Variants in LIN52 observed in about 807,000 individuals in gnomAD.
LIN52 encodes the protein lin-52 DREAM MuvB core complex component.
In LIN52, 4 loss-of-function variants were observed where a neutral mutation model predicts 18.5. The observed-to-expected ratio is 0.22, with a 90% CI of 0.11 to 0.49. The LOEUF is 0.49. Ranked by LOEUF, LIN52 falls within the 20% of genes least tolerant of loss-of-function variation. LIN52 has a pLI of 0.97. For missense variants in LIN52, 102 were observed against 139.5 expected (o/e 0.73, Z 1.35); for synonymous variants, 34 against 45.5 (o/e 0.75, Z 1.02).
chr14:74,116,729 GA>G (rs897903455), intron 5 of LIN52, among the ~76,000 whole-genome samples: 4 of 146,568 alleles, frequency 2.7e-5, no homozygotes, highest in East Asian at 2.0e-4. Flanking sequence ...AAAAAGAAAA[GA>G]AAAAAAGCAC....
chr14:74,179,651 A>T (rs2061308765), intron 5 of LIN52, among the ~76,000 whole-genome samples: 1 of 110,260 alleles, frequency 9.1e-6, no homozygotes, highest in Non-Finnish European at 2.0e-5. Flanking sequence ...GTGAGACTCC[A>T]TCTCAAAAAA....
At chr14:74,135,603 T>C (rs1006678520) in intron 5 of LIN52, among the ~76,000 whole-genome samples, 11 of 152,232 alleles carry the variant, frequency 7.2e-5, no homozygotes, top group African/African-American at 2.2e-4. Context: ...TACAAAATTG[T>C]TTGGCATCCT....
intron 5 of LIN52, among the ~76,000 whole-genome samples, chr14:74,112,340 C>T (rs535544856): frequency 3.3e-5 from 5 of 149,948 alleles, no homozygotes; most frequent in African/African-American, 9.8e-5. Flanking sequence ...CAGGGTTTCC[C>T]TCTGTTGCCC....
intron 5 of LIN52, among the ~76,000 whole-genome samples, chr14:74,105,577 G>T (rs1387808571): frequency 9.0e-6 from 1 of 111,268 alleles, no homozygotes; most frequent in African/African-American, 3.3e-5. Flanking sequence ...TTAAAAACAA[G>T]ATTTTTTTTT....
intron 5 of LIN52, among the ~76,000 whole-genome samples, chr14:74,190,285 G>A (rs1289616548): frequency 6.6e-6 from 1 of 151,726 alleles, no homozygotes; most frequent in Admixed American, 6.6e-5. Flanking sequence ...GAACACTGAG[G>A]ACAAAAATTT....
intron 5 of LIN52, among the ~76,000 whole-genome samples, chr14:74,184,950 A>T (rs1446617890): frequency 2.6e-5 from 4 of 151,108 alleles, no homozygotes; most frequent in Non-Finnish European, 4.4e-5. Flanking sequence ...TCTTCTTTTT[A>T]AAAATTTTTT....
chr14:74,095,016 A>G (rs891031180), intron 2 of LIN52, among the ~76,000 whole-genome samples: 1 of 150,642 alleles, frequency 6.6e-6, no homozygotes, highest in Non-Finnish European at 1.5e-5. Flanking sequence ...GGCTCATCCT[A>G]TCACCCAGGC....
intron 5 of LIN52, among the ~76,000 whole-genome samples, chr14:74,111,272 A>C (rs965018295): frequency 6.6e-6 from 1 of 152,086 alleles, no homozygotes; most frequent in Non-Finnish European, 1.5e-5. Flanking sequence ...GAGGGAAGGG[A>C]GAGTATAACT....
At chr14:74,122,527 A>G (rs2061006179) in intron 5 of LIN52, among the ~76,000 whole-genome samples, 1 of 152,172 alleles carries the variant, frequency 6.6e-6, no homozygotes, top group Non-Finnish European at 1.5e-5. Flanking sequence ...TTCACTGGAC[A>G]CTTGTGAGAG....
At chr14:74,110,546 C>A (rs1192290280) in intron 5 of LIN52, among the ~76,000 whole-genome samples, 2 of 152,170 alleles carry the variant, frequency 1.3e-5, no homozygotes, top group East Asian at 1.9e-4. Flanking sequence ...GGCGCACGCC[C>A]ATAGTCCCAG....
chr14:74,111,945 A>G (rs542047261), intron 5 of LIN52, among the ~76,000 whole-genome samples: 2 of 151,572 alleles, frequency 1.3e-5, no homozygotes, highest in East Asian at 1.9e-4. Context: ...CAATGGCGTG[A>G]TCTCAGCTCA....
At chr14:74,128,998 A>C (rs2061045311) in intron 5 of LIN52, among the ~76,000 whole-genome samples, 1 of 152,208 alleles carries the variant, frequency 6.6e-6, no homozygotes, top group Admixed American at 6.5e-5. Flanking sequence ...ACAGATTGTA[A>C]GGAAAGATTA....
chr14:74,181,307 G>A (rs1286107733), intron 5 of LIN52, among the ~76,000 whole-genome samples: 4 of 151,546 alleles, frequency 2.6e-5, no homozygotes, highest in East Asian at 3.9e-4. Flanking sequence ...AAAAAAAGCC[G>A]GTCCAGGCAT....
intron 5 of LIN52, among the ~76,000 whole-genome samples, chr14:74,187,986 C>T (rs374620890): frequency 9.2e-5 from 14 of 152,200 alleles, no homozygotes; most frequent in Non-Finnish European, 1.6e-4. Context: ...AAATCCCTTA[C>T]GATCATAGGT....
At chr14:74,178,976 A>G (rs2061304966) in intron 5 of LIN52, among the ~76,000 whole-genome samples, 1 of 151,896 alleles carries the variant, frequency 6.6e-6, no homozygotes, top group South Asian at 2.1e-4. Context: ...AGGCCCGGCT[A>G]CTCAGGAGGC....
chr14:74,161,592 A>G (rs2061225289), intron 5 of LIN52, among the ~76,000 whole-genome samples: 1 of 152,276 alleles, frequency 6.6e-6, no homozygotes, highest in Non-Finnish European at 1.5e-5. Context: ...GAAAGCTGCT[A>G]ACCCCTAGGA....
chr14:74,085,282 A>C, intron 1 of LIN52: 1 of 325,174 alleles, frequency 3.1e-6, no homozygotes, highest in Non-Finnish European at 5.6e-6. Context: ...CCTTATCTCT[A>C]TTTGGGCGAG....
chr14:74,158,245 C>T (rs1362061513), intron 5 of LIN52, among the ~76,000 whole-genome samples: 1 of 151,274 alleles, frequency 6.6e-6, no homozygotes, highest in Non-Finnish European at 1.5e-5. Flanking sequence ...CTCCCGAGAG[C>T]CAGGATTACA....
intron 5 of LIN52, among the ~76,000 whole-genome samples, chr14:74,170,326 T>C (rs534464318): frequency 1.3e-5 from 2 of 152,348 alleles, no homozygotes; most frequent in South Asian, 4.1e-4. Flanking sequence ...AGAAGTGATT[T>C]TTGTCTAAAT....
Sources: allele counts gnomAD v4.1 joint callset (sites outside exome capture counted in the v4.1 genomes callset), GRCh38; gene constraint gnomAD v4.1.1; transcripts MANE v1.5; gene names NCBI Gene and HGNC (gene_info 2026-07-23, HGNC 2026-07-21).